Variants in MYH10 observed in about 807,000 individuals in gnomAD.
MYH10 encodes the protein myosin heavy chain 10.
In MYH10, 55 loss-of-function variants were observed where a neutral mutation model predicts 257.8. The observed-to-expected ratio is 0.21, with a 90% CI of 0.17 to 0.27. MYH10 has a LOEUF of 0.27. Ranked by LOEUF, MYH10 falls within the 10% of genes least tolerant of loss-of-function variation. MYH10 has a pLI of 1.00. For synonymous variants in MYH10, 854 were observed against 921.7 expected (o/e 0.93, Z 1.33); for missense variants, 1,631 against 2,500.6 (o/e 0.65, Z 7.42).
At chr17:8,594,122 G>A (rs894951130) in intron 3 of MYH10, among the ~76,000 whole-genome samples, 2 of 152,060 alleles carry the variant, frequency 1.3e-5, no homozygotes, top group Admixed American at 6.5e-5. Flanking sequence ...AAGATGACTC[G>A]CAACCCATAC....
At chr17:8,551,635 A>G (rs2082646684) in intron 9 of MYH10, among the ~76,000 whole-genome samples, 1 of 152,172 alleles carries the variant, frequency 6.6e-6, no homozygotes, top group East Asian at 1.9e-4. Flanking sequence ...TATCCACCAC[A>G]GGCTCTTTCT....
intron 7 of MYH10, among the ~76,000 whole-genome samples, chr17:8,558,688 T>C (rs1011645008): frequency 3.3e-5 from 5 of 152,240 alleles, no homozygotes; most frequent in Admixed American, 3.3e-4. Flanking sequence ...TTACTTATTA[T>C]TGCCTTTGCA....
chr17:8,603,916 G>A (rs2084701908), intron 3 of MYH10, among the ~76,000 whole-genome samples: 1 of 152,068 alleles, frequency 6.6e-6, no homozygotes, highest in African/African-American at 2.4e-5. Flanking sequence ...TGGAAGATCT[G>A]GTATATAATA....
chr17:8,508,428 C>CAT, intron 26 of MYH10, 126 bp downstream of exon 26: 1 of 1,362,612 alleles, frequency 7.3e-7, no homozygotes. Flanking sequence ...ATAAGTCAAC[C>CAT]CAAACTGAAG....
chr17:8,536,548 A>G (rs1323796451), intron 14 of MYH10, among the ~76,000 whole-genome samples: 1 of 152,112 alleles, frequency 6.6e-6, no homozygotes, highest in Non-Finnish European at 1.5e-5. Context: ...ATTGAAAAAA[A>G]GTAGCACTTT....
intron 6 of MYH10, among the ~76,000 whole-genome samples, chr17:8,570,411 G>C (rs1233768544): frequency 6.6e-6 from 1 of 152,080 alleles, no homozygotes; most frequent in Non-Finnish European, 1.5e-5. Flanking sequence ...TGCTTTAGTT[G>C]GTGTCTTTAC....
intron 31 of MYH10, among the ~76,000 whole-genome samples, chr17:8,494,317 C>T (rs373803850): frequency 4.3e-4 from 66 of 152,342 alleles, no homozygotes; most frequent in African/African-American, 1.5e-3. Flanking sequence ...TTTGTATTTC[C>T]TGCCAGATTG....
At chr17:8,528,888 T>C (rs2081936085) in intron 17 of MYH10, among the ~76,000 whole-genome samples, 1 of 152,216 alleles carries the variant, frequency 6.6e-6, no homozygotes, top group African/African-American at 2.4e-5. Context: ...GGTAGATGGA[T>C]GGGCTTCCAA....
chr17:8,516,654 C>A (rs2081477203), intron 21 of MYH10, among the ~76,000 whole-genome samples: 1 of 152,168 alleles, frequency 6.6e-6, no homozygotes, highest in Non-Finnish European at 1.5e-5. Flanking sequence ...TCGTTTCCTG[C>A]ACTTTCGATA....
intron 6 of MYH10, among the ~76,000 whole-genome samples, chr17:8,570,161 A>T (rs1429687373): frequency 6.6e-6 from 1 of 152,246 alleles, no homozygotes; most frequent in African/African-American, 2.4e-5. Context: ...TTCAATTAAG[A>T]ACATATTAAT....
intron 3 of MYH10, among the ~76,000 whole-genome samples, chr17:8,596,683 AG>A (rs926265352): frequency 4.0e-5 from 2 of 49,386 alleles, no homozygotes; most frequent in African/African-American, 1.6e-4. Flanking sequence ...AGTAGGAGGG[AG>A]GGGGAGTAGG....
chr17:8,598,236 C>T (rs904010120), intron 3 of MYH10, among the ~76,000 whole-genome samples: 1 of 152,188 alleles, frequency 6.6e-6, no homozygotes, highest in Non-Finnish European at 1.5e-5. Context: ...CTACTTCTCC[C>T]ATGGACAATG....
At chr17:8,478,272 C>T in intron 41 of MYH10, 66 bp downstream of exon 41, 2 of 1,360,628 alleles carry the variant, frequency 1.5e-6, no homozygotes, top group East Asian at 4.6e-5. Context: ...GTCAGTTGTG[C>T]CACCAGCTCA....
chr17:8,502,785 A>T (rs1045168717), intron 28 of MYH10, among the ~76,000 whole-genome samples: 2 of 152,168 alleles, frequency 1.3e-5, no homozygotes, highest in Non-Finnish European at 2.9e-5. Flanking sequence ...GAGCACAGGC[A>T]TGGTTTTAAT....
At position 8,569,678 on chromosome 17, in the gene MYH10, G is replaced by C. The variant is rs2083276846; in HGVS notation, c.756+42C>G. ...CTTAATCACAGTAAACATTTAACTAGAAATCTAAGGAATTAAAAGCTTCTG... is the reference window on the plus strand; with the variant it reads ...CTTAATCACAGTAAACATTTAACTACAAATCTAAGGAATTAAAAGCTTCTG... On this transcript the variant is annotated intron_variant, in intron 7 of 42. Transcript: ENST00000360416. This position sits in a 1 kb window ranked among gnomAD's most constrained non-coding sequence, Gnocchi z 4.1. 7.2e-7 allele frequency: 1 copy of C among 1,386,256 alleles called. No homozygotes were observed. The highest frequency in any genetic ancestry group is 1.0e-6 in the Non-Finnish European group (1 of 997,132). 85.9% of individuals were successfully genotyped at this position (1,386,256 alleles called of 1,614,324 possible). A position where few individuals can be genotyped will look rare whatever the true frequency, so the allele number is the denominator to read the frequency against.
Position 8,548,416 on chromosome 17 carries a change from T to C in MYH10, c.1064-8A>G. ...ATACTACTTTAAGCATTGCTTCATA[T>C]TGATAAAAAGAAAAAAAAAATTAAT... On this transcript the variant is annotated splice_polypyrimidine_tract_variant and splice_region_variant and intron_variant, in intron 10 of 42. Transcript: ENST00000360416. 2 of 1,470,336 alleles carry C rather than the reference T, an allele frequency of 1.4e-6. No homozygotes were observed. Among genetic ancestry groups the C allele is most frequent in the South Asian group, 1.2e-5 (1 of 81,794 alleles). 91.1% of individuals were successfully genotyped at this position (1,470,336 alleles called of 1,614,324 possible). A position where few individuals can be genotyped will look rare whatever the true frequency, so the allele number is the denominator to read the frequency against.
chr17:8,605,361 T>C (rs2084757579), intron 2 of MYH10, among the ~76,000 whole-genome samples: 1 of 152,246 alleles, frequency 6.6e-6, no homozygotes, highest in South Asian at 2.1e-4. Flanking sequence ...TCAGATTCCA[T>C]ATTGCAATTA....
chr17:8,526,576 A>C (rs1182593697), intron 17 of MYH10, among the ~76,000 whole-genome samples: 2 of 152,242 alleles, frequency 1.3e-5, no homozygotes, highest in Non-Finnish European at 2.9e-5. Context: ...GTATTTAAAC[A>C]GTCAGAAATT....
rs2081020494 is a variant in MYH10, at chr17:8,504,801, T to C, written c.3492A>G (p.Ser1164=). 34 of 1,614,238 alleles carry C rather than the reference T, an allele frequency of 2.1e-5. No homozygotes were observed. Among genetic ancestry groups the C allele is most frequent in the Non-Finnish European group, 2.9e-5 (34 of 1,180,036 alleles). Residue 1164 remains serine, a synonymous_variant, in exon 28 of 43, where the codon TCA becomes TCG. Transcript: ENST00000360416. The surrounding 1 kb of genome is among the most constrained non-coding windows in gnomAD (Gnocchi z 5.6). ...TTTTCTGCTTTTCGGCCTTGTTCCG[T>C]GAAGCCTTCTCGGATTCAAAGTCTT... ...LQEDFESEKA[S]RNKAEKQKRD... is the part of the protein sequence containing the mutation.
Sources: allele counts gnomAD v4.1 joint callset (sites outside exome capture counted in the v4.1 genomes callset), GRCh38; gene constraint gnomAD v4.1.1; non-coding constraint Gnocchi (gnomAD v3.1); transcripts MANE v1.5; gene names NCBI Gene and HGNC (gene_info 2026-07-23, HGNC 2026-07-21).